SPAG16: variants seen among roughly 807,000 people sequenced by gnomAD.
SPAG16 encodes sperm associated antigen 16, also known as sperm-associated antigen 16 protein.
A neutral mutation model predicts 80.4 loss-of-function variants in SPAG16; 86 were observed. The ratio of observed to expected loss-of-function variants is 1.07; its 90% CI spans 0.90 to 1.28. SPAG16 has a LOEUF of 1.28. SPAG16 is among the 50% of genes most tolerant of loss of function. The pLI is 0.00. For missense variants in SPAG16, 870 were observed against 765.3 expected (o/e 1.14, Z -1.61); for synonymous variants, 294 against 265.9 (o/e 1.11, Z -1.03).
chr2:214,308,747 G>T (rs554442385), intron 15 of SPAG16, among the ~76,000 whole-genome samples: 4 of 152,188 alleles, frequency 2.6e-5, no homozygotes, highest in African/African-American at 9.6e-5. Context: ...AGTTTCAGCT[G>T]AGATGTCCAT....
chr2:213,559,446 A>T (rs1042385011), intron 10 of SPAG16, among the ~76,000 whole-genome samples: 1 of 152,198 alleles, frequency 6.6e-6, no homozygotes, highest in Non-Finnish European at 1.5e-5. Context: ...GAATGAAAAA[A>T]ATTAACAGCT....
chr2:214,125,746 CA>C (rs1227265768), intron 14 of SPAG16, among the ~76,000 whole-genome samples: 3 of 151,470 alleles, frequency 2.0e-5, no homozygotes, highest in African/African-American at 7.3e-5. Context: ...GGATCATAGC[CA>C]AAAGTCCTGT....
At chr2:213,882,314 C>G (rs2076374438) in intron 11 of SPAG16, among the ~76,000 whole-genome samples, 1 of 152,072 alleles carries the variant, frequency 6.6e-6, no homozygotes, top group Non-Finnish European at 1.5e-5. Context: ...GTTTCTCTGC[C>G]ATGTTTTCAT....
At chr2:214,006,043 A>G (rs1025925682) in intron 12 of SPAG16, among the ~76,000 whole-genome samples, 4 of 152,292 alleles carry the variant, frequency 2.6e-5, no homozygotes, top group Non-Finnish European at 5.9e-5. Flanking sequence ...GCTATTTAAA[A>G]TCCAGCTCTT....
intron 15 of SPAG16, among the ~76,000 whole-genome samples, chr2:214,346,026 C>T (rs1274310177): frequency 6.6e-6 from 1 of 152,144 alleles, no homozygotes; most frequent in African/African-American, 2.4e-5. Context: ...CATTCACAAA[C>T]ATGTAAATGC....
At chr2:214,021,222 ACT>A (rs1262133405) in intron 13 of SPAG16, among the ~76,000 whole-genome samples, 1 of 152,074 alleles carries the variant, frequency 6.6e-6, no homozygotes, top group African/African-American at 2.4e-5. Flanking sequence ...TTTTTTGGTC[ACT>A]CTGACTTTTT....
At chr2:213,860,911 G>C (rs2075427613) in intron 10 of SPAG16, among the ~76,000 whole-genome samples, 1 of 152,110 alleles carries the variant, frequency 6.6e-6, no homozygotes, top group South Asian at 2.1e-4. Flanking sequence ...TTGCCTTCTT[G>C]TGTGTATTTG....
intron 10 of SPAG16, among the ~76,000 whole-genome samples, chr2:213,565,696 T>TG (rs1339981770): frequency 6.6e-6 from 1 of 152,228 alleles, no homozygotes. Flanking sequence ...ACAAACTCCC[T>TG]GGCTTTCAGT....
chr2:213,759,399 TAATTTAAGAGACTAATG>T (rs2068522959), intron 10 of SPAG16, among the ~76,000 whole-genome samples: 1 of 152,040 alleles, frequency 6.6e-6, no homozygotes, highest in Non-Finnish European at 1.5e-5. Flanking sequence ...GTTTTGTACA[TAATTTAAGAGACTAATG>T]AATTTAAAAT....
chr2:213,604,909 GTAAA>G (rs2061200764), intron 10 of SPAG16, among the ~76,000 whole-genome samples: 1 of 148,800 alleles, frequency 6.7e-6, no homozygotes, highest in Non-Finnish European at 1.5e-5. Context: ...AAACGTTTTT[GTAAA>G]TATTTATTTT....
chr2:213,927,058 C>CCCCTTCTTGCCTTGTAAATGGCT (rs1575572364), intron 11 of SPAG16, among the ~76,000 whole-genome samples: 2 of 152,304 alleles, frequency 1.3e-5, no homozygotes, highest in East Asian at 3.9e-4. Context: ...TGGTGAGGGC[C>CCCCTTCTTGCCTTGTAAATGGCT]CCCTTCTTGC....
intron 10 of SPAG16, among the ~76,000 whole-genome samples, chr2:213,536,447 AGT>A (rs1413332630): frequency 4.6e-5 from 7 of 152,198 alleles, no homozygotes; most frequent in Non-Finnish European, 1.0e-4. Flanking sequence ...TCCCACCAAC[AGT>A]GTAAAAGTGT....
At chr2:213,608,460 G>T (rs897822787) in intron 10 of SPAG16, among the ~76,000 whole-genome samples, 8 of 152,172 alleles carry the variant, frequency 5.3e-5, no homozygotes, top group African/African-American at 1.7e-4. Context: ...TTCTGAGAAT[G>T]ATGGTTTCCA....
chr2:213,556,894 CT>C (rs1369006840), intron 10 of SPAG16, among the ~76,000 whole-genome samples: 6 of 151,946 alleles, frequency 3.9e-5, no homozygotes, highest in East Asian at 3.9e-4. Context: ...GATCAAGTAT[CT>C]TTTTTTTGAA....
intron 10 of SPAG16, among the ~76,000 whole-genome samples, chr2:213,560,564 A>G (rs964047609): frequency 9.2e-5 from 14 of 152,146 alleles, no homozygotes; most frequent in African/African-American, 3.4e-4. Flanking sequence ...CTCTAAATTT[A>G]TATTCTCAGA....
chr2:214,277,925 C>T (rs1226427400), intron 15 of SPAG16, among the ~76,000 whole-genome samples: 1 of 152,208 alleles, frequency 6.6e-6, no homozygotes, highest in Non-Finnish European at 1.5e-5. Flanking sequence ...GTGGAGTCAA[C>T]AGAGGCAGCC....
chr2:213,541,006 T>A (rs539054352), intron 10 of SPAG16, among the ~76,000 whole-genome samples: 1 of 152,370 alleles, frequency 6.6e-6, no homozygotes, highest in African/African-American at 2.4e-5. Flanking sequence ...GAGTTACAAG[T>A]AAAGACTAGA....
chr2:213,854,528 G>A (rs1485475272), intron 10 of SPAG16, among the ~76,000 whole-genome samples: 7 of 152,112 alleles, frequency 4.6e-5, no homozygotes, highest in African/African-American at 1.7e-4. Flanking sequence ...TTCAAATCTA[G>A]GCAGGCAGGC....
At chr2:214,303,118 C>T (rs1031725313) in intron 15 of SPAG16, among the ~76,000 whole-genome samples, 1 of 152,176 alleles carries the variant, frequency 6.6e-6, no homozygotes, top group Non-Finnish European at 1.5e-5. Flanking sequence ...TGTATGCCAA[C>T]TATGTTCAAA....
Sources: allele counts gnomAD v4.1 joint callset (sites outside exome capture counted in the v4.1 genomes callset), GRCh38; gene constraint gnomAD v4.1.1; transcripts MANE v1.5; gene names NCBI Gene and HGNC (gene_info 2026-07-23, HGNC 2026-07-21).